The following ADISSP variants were observed in gnomAD, a reference collection of about 807,000 sequenced individuals.
ADISSP encodes adipose-secreted signaling protein.
At chr20:3,756,437 G>GTACTCCCA in the ADISSP span, among the ~76,000 whole-genome samples, 1 of 92,094 alleles carries the variant, frequency 1.1e-5, no homozygotes, top group African/African-American at 3.6e-5. Context: ...GGGGGCTGGT[G>GTACTCCCA]GGGGTGCCAC....
At chr20:3,755,656 C>T in the ADISSP span, 39 of 1,540,792 alleles carry the variant, frequency 2.5e-5, no homozygotes, top group African/African-American at 3.0e-4. Flanking sequence ...TCCTGCTTCC[C>T]GCAGGCCCAC....
the ADISSP span, among the ~76,000 whole-genome samples, chr20:3,756,201 G>A: frequency 5.9e-3 from 900 of 152,346 alleles, 4 homozygotes; most frequent in Middle Eastern, 0.01. Context: ...TGGCCCACAG[G>A]CCTGGCACCA....
chr20:3,758,215 A>G, the ADISSP span, among the ~76,000 whole-genome samples: 1 of 152,214 alleles, frequency 6.6e-6, no homozygotes, highest in Non-Finnish European at 1.5e-5. This position sits in a 1 kb window ranked among gnomAD's most constrained non-coding sequence, Gnocchi z 5.5. Flanking sequence ...TGACCTTCCC[A>G]AGGTCACAGA....
At chr20:3,763,638 G>A in the ADISSP span, among the ~76,000 whole-genome samples, 4 of 151,912 alleles carry the variant, frequency 2.6e-5, no homozygotes, top group Admixed American at 1.3e-4. Context: ...GAAATGAGTT[G>A]ATCATGGAAT....
chr20:3,765,112 G>C, the ADISSP span, among the ~76,000 whole-genome samples: 1 of 152,234 alleles, frequency 6.6e-6, no homozygotes, highest in Non-Finnish European at 1.5e-5. Flanking sequence ...AGGGACTTCA[G>C]GAACCCAAAG....
chr20:3,759,375 G>A, the ADISSP span, among the ~76,000 whole-genome samples: 1 of 152,188 alleles, frequency 6.6e-6, no homozygotes, highest in African/African-American at 2.4e-5. The surrounding 1 kb of genome is among the most constrained non-coding windows in gnomAD (Gnocchi z 4.6). Flanking sequence ...GAGCTGGGTC[G>A]GGTTCTCCAA....
chr20:3,764,067 C>T, the ADISSP span, among the ~76,000 whole-genome samples: 1 of 152,202 alleles, frequency 6.6e-6, no homozygotes, highest in African/African-American at 2.4e-5. Context: ...GGGTCAGTTG[C>T]CTCAGCCCTG....
the ADISSP span, chr20:3,753,956 C>G: frequency 1.1e-6 from 1 of 876,536 alleles, no homozygotes; most frequent in Non-Finnish European, 1.8e-6. Context: ...CCCCCACACC[C>G]ACCCCAGAGA....
chr20:3,767,541 AGCCCT>A, the ADISSP span: 1 of 152,578 alleles, frequency 6.6e-6, no homozygotes, highest in Admixed American at 6.5e-5. Context: ...CCCCCACCCC[AGCCCT>A]GCCATCACGG....
chr20:3,757,004 C>A, the ADISSP span, among the ~76,000 whole-genome samples: 1 of 130,918 alleles, frequency 7.6e-6, no homozygotes, highest in East Asian at 2.1e-4. Context: ...TAAGCTGGAT[C>A]CATCACCATA....
the ADISSP span, among the ~76,000 whole-genome samples, chr20:3,766,251 G>A: frequency 0.031 from 4,744 of 152,310 alleles, 92 homozygotes; most frequent in Middle Eastern, 0.1. Context: ...ACACTGACCC[G>A]CTGACTCTCA....
the ADISSP span, chr20:3,758,594 T>C: frequency 1.2e-6 from 2 of 1,613,684 alleles, no homozygotes; most frequent in Admixed American, 1.7e-5. This position sits in a 1 kb window ranked among gnomAD's most constrained non-coding sequence, Gnocchi z 5.5. Flanking sequence ...GTCATGCAGC[T>C]TCTCATCAAA....
At chr20:3,755,184 G>A in the ADISSP span, among the ~76,000 whole-genome samples, 1 of 152,154 alleles carries the variant, frequency 6.6e-6, no homozygotes, top group Non-Finnish European at 1.5e-5. Context: ...GAAGGCTGGA[G>A]GCTTCAAACC....
At chr20:3,757,468 A>G in the ADISSP span, among the ~76,000 whole-genome samples, 2 of 152,142 alleles carry the variant, frequency 1.3e-5, no homozygotes, top group South Asian at 4.1e-4. Flanking sequence ...AAATTTTCTC[A>G]TGTCTATTAA....
chr20:3,763,639 A>C, the ADISSP span, among the ~76,000 whole-genome samples: 1 of 152,190 alleles, frequency 6.6e-6, no homozygotes, highest in South Asian at 2.1e-4. Context: ...AAATGAGTTG[A>C]TCATGGAATT....
the ADISSP span, among the ~76,000 whole-genome samples, chr20:3,759,400 GAC>G: frequency 6.6e-6 from 1 of 152,230 alleles, no homozygotes; most frequent in Non-Finnish European, 1.5e-5. This position sits in a 1 kb window ranked among gnomAD's most constrained non-coding sequence, Gnocchi z 4.6. Context: ...AGAAAGGGCA[GAC>G]GGATGAGACA....
chr20:3,766,759 C>G, the ADISSP span, among the ~76,000 whole-genome samples: 24 of 152,176 alleles, frequency 1.6e-4, no homozygotes, highest in African/African-American at 5.6e-4. Context: ...GGATATCCAG[C>G]TACATTTTCC....
chr20:3,767,042 G>C, the ADISSP span, among the ~76,000 whole-genome samples: 7,930 of 151,906 alleles, frequency 0.052, 280 homozygotes, highest in East Asian at 0.12. Flanking sequence ...TATCCTCTCC[G>C]GCAGCCATCC....
chr20:3,754,257 G>C, the ADISSP span: 1 of 1,469,768 alleles, frequency 6.8e-7, no homozygotes. Flanking sequence ...ATCAGCTGGA[G>C]GTAGGGACCT....
Sources: allele counts gnomAD v4.1 joint callset (sites outside exome capture counted in the v4.1 genomes callset), GRCh38; gene constraint gnomAD v4.1.1; non-coding constraint Gnocchi (gnomAD v3.1); transcripts MANE v1.5; gene names NCBI Gene and HGNC (gene_info 2026-07-23, HGNC 2026-07-21).